Variants in THEMIS observed in about 807,000 individuals in gnomAD.
THEMIS encodes the protein thymocyte selection associated.
Under a neutral mutation model 52.6 loss-of-function variants are expected in THEMIS, and 37 were observed. The observed-to-expected ratio is 0.70, with a 90% confidence interval of 0.54 to 0.93. The LOEUF is 0.93. Among genes scored for constraint, THEMIS ranks in the 40% least tolerant of loss-of-function variants. The pLI is 0.00. For missense variants in THEMIS, 808 were observed against 763.1 expected (o/e 1.06, Z -0.69); for synonymous variants, 292 against 272.7 (o/e 1.07, Z -0.70).
chr6:127,721,647 T>C (rs13202924), intron 4 of THEMIS, among the ~76,000 whole-genome samples: 2 of 152,014 alleles, frequency 1.3e-5, no homozygotes, highest in African/African-American at 4.8e-5. Context: ...TCCTCCACAG[T>C]CCACAAAAAT....
intron 1 of THEMIS, among the ~76,000 whole-genome samples, chr6:127,861,584 G>A (rs1779796933): frequency 6.6e-6 from 1 of 151,906 alleles, no homozygotes; most frequent in African/African-American, 2.4e-5. Context: ...AGGAGTTCAA[G>A]ACCAGCCTGG....
downstream of THEMIS, among the ~76,000 whole-genome samples, chr6:127,707,087 A>G (rs1470860392): frequency 2.0e-5 from 3 of 152,120 alleles, no homozygotes; most frequent in African/African-American, 7.2e-5. Flanking sequence ...GCAAAAGTGG[A>G]AAAAGCCTTT....
chr6:127,819,270 CA>C (rs926949855), intron 3 of THEMIS, among the ~76,000 whole-genome samples: 5 of 147,938 alleles, frequency 3.4e-5, no homozygotes, highest in East Asian at 2.0e-4. Context: ...CTTACCAAAC[CA>C]AAAAAGAAAA....
At chr6:127,703,035 G>GGTTTTTTTTTTTTTTTTTTTTTTTTT in the THEMIS span, among the ~76,000 whole-genome samples, 12 of 82,352 alleles carry the variant, frequency 1.5e-4, 2 homozygotes, top group Non-Finnish European at 1.9e-4. Context: ...TTTAGAATGA[G>GGTTTTTTTTTTTTTTTTTTTTTTTTT]TTTTTTTTTT....
chr6:127,887,455 A>G (rs1184619474), intron 1 of THEMIS, among the ~76,000 whole-genome samples: 1 of 152,164 alleles, frequency 6.6e-6, no homozygotes, highest in Non-Finnish European at 1.5e-5. Flanking sequence ...TCATGAAACA[A>G]TCTGAGTGTC....
intron 4 of THEMIS, among the ~76,000 whole-genome samples, chr6:127,731,397 A>C (rs1774788936): frequency 6.6e-6 from 1 of 152,116 alleles, no homozygotes; most frequent in African/African-American, 2.4e-5. Context: ...GGAAAAAAAA[A>C]CAGAACTCTC....
chr6:127,881,165 A>G (rs900314554), intron 1 of THEMIS, among the ~76,000 whole-genome samples: 1 of 152,066 alleles, frequency 6.6e-6, no homozygotes, highest in Non-Finnish European at 1.5e-5. Context: ...GCCTAACAAA[A>G]TCTACCAGTA....
intron 1 of THEMIS, among the ~76,000 whole-genome samples, chr6:127,917,350 GC>G (rs1222411169): frequency 6.6e-6 from 1 of 152,152 alleles, no homozygotes; most frequent in Non-Finnish European, 1.5e-5. Context: ...TTGGTTGCAA[GC>G]TACATAAATC....
intron 2 of THEMIS, among the ~76,000 whole-genome samples, chr6:127,841,134 C>T (rs1337585807): frequency 3.9e-5 from 6 of 151,998 alleles, no homozygotes. Flanking sequence ...AGGTTCACTA[C>T]TTGCAACAAA....
At chr6:127,849,921 A>G (rs1779362920) in intron 2 of THEMIS, among the ~76,000 whole-genome samples, 1 of 152,150 alleles carries the variant, frequency 6.6e-6, no homozygotes, top group South Asian at 2.1e-4. Flanking sequence ...TCCACACAGC[A>G]AAAGAAATAA....
At chr6:127,782,482 A>C (rs1014924970) in intron 4 of THEMIS, among the ~76,000 whole-genome samples, 1 of 152,164 alleles carries the variant, frequency 6.6e-6, no homozygotes, top group African/African-American at 2.4e-5. Context: ...TGGGAAAAGC[A>C]TAGTATCTGG....
At chr6:127,846,275 T>C (rs532967297) in intron 2 of THEMIS, among the ~76,000 whole-genome samples, 108 of 151,996 alleles carry the variant, frequency 7.1e-4, no homozygotes, top group Non-Finnish European at 1.4e-3. Context: ...TGCCACATTA[T>C]AGCATTTAAA....
At chr6:127,842,997 C>A (rs1276169664) in intron 2 of THEMIS, among the ~76,000 whole-genome samples, 1 of 151,924 alleles carries the variant, frequency 6.6e-6, no homozygotes, top group Non-Finnish European at 1.5e-5. Flanking sequence ...TTCCTGACAA[C>A]TTGATAGATG....
At chr6:127,852,935 T>A (rs1478513524) in intron 2 of THEMIS, among the ~76,000 whole-genome samples, 1 of 151,632 alleles carries the variant, frequency 6.6e-6, no homozygotes, top group Non-Finnish European at 1.5e-5. Flanking sequence ...AAGATTATCA[T>A]GCTAATTGGA....
chr6:127,910,230 C>G (rs1781377613), intron 1 of THEMIS, among the ~76,000 whole-genome samples: 2 of 152,082 alleles, frequency 1.3e-5, no homozygotes, highest in South Asian at 4.1e-4. Context: ...GAATTACAGT[C>G]ATAGTTCAGA....
intron 4 of THEMIS, among the ~76,000 whole-genome samples, chr6:127,731,724 G>C (rs1774804985): frequency 7.7e-6 from 1 of 129,644 alleles, no homozygotes; most frequent in South Asian, 2.4e-4. Flanking sequence ...TTGAGATGGA[G>C]TCTCGCTCTG....
At chr6:127,726,938 C>A (rs1774568182) in intron 4 of THEMIS, among the ~76,000 whole-genome samples, 1 of 152,106 alleles carries the variant, frequency 6.6e-6, no homozygotes, top group African/African-American at 2.4e-5. Flanking sequence ...GAATAGACAG[C>A]TAATCTGTAC....
At chr6:127,848,642 T>C (rs1779308726) in intron 2 of THEMIS, among the ~76,000 whole-genome samples, 1 of 152,174 alleles carries the variant, frequency 6.6e-6, no homozygotes, top group Admixed American at 6.6e-5. Context: ...TGGTATCTCA[T>C]TGTGGTTTTG....
upstream of THEMIS, among the ~76,000 whole-genome samples, chr6:127,904,773 A>G (rs974777781): frequency 6.6e-6 from 1 of 152,040 alleles, no homozygotes; most frequent in Non-Finnish European, 1.5e-5. Flanking sequence ...AGAAGACAAG[A>G]AGGAGAAAAG....
Sources: allele counts gnomAD v4.1 joint callset (sites outside exome capture counted in the v4.1 genomes callset), GRCh38; gene constraint gnomAD v4.1.1; transcripts MANE v1.5; gene names NCBI Gene and HGNC (gene_info 2026-07-23, HGNC 2026-07-21).